The following WDFY2 variants were observed in gnomAD, a reference collection of about 807,000 sequenced individuals.
WDFY2 encodes the protein WD repeat and FYVE domain containing 2, also known as WD repeat and FYVE domain-containing protein 2.
In WDFY2, 36 loss-of-function variants were observed where a neutral mutation model predicts 56.4. The observed-to-expected ratio is 0.64, with a 90% CI of 0.49 to 0.84. WDFY2 has a LOEUF of 0.84. WDFY2 is among the 40% of genes least tolerant of loss of function. The pLI is 0.00. For synonymous variants in WDFY2, 176 were observed against 183.7 expected (o/e 0.96, Z 0.34); for missense variants, 444 against 512.2 (o/e 0.87, Z 1.29).
At chr13:51,586,429 A>T (rs1953936968) in intron 1 of WDFY2, 1 of 170,164 alleles carries the variant, frequency 5.9e-6, no homozygotes, top group East Asian at 1.5e-4. Flanking sequence ...TTTTTTTAAG[A>T]CTAGTTAAGT....
intron 1 of WDFY2, among the ~76,000 whole-genome samples, chr13:51,647,372 C>G (rs535385382): frequency 6.6e-6 from 1 of 152,280 alleles, no homozygotes; most frequent in South Asian, 2.1e-4. Context: ...TATCATGTAA[C>G]TATACTGAAT....
At chr13:51,595,182 A>G (rs1475246409) in intron 1 of WDFY2, among the ~76,000 whole-genome samples, 1 of 152,094 alleles carries the variant, frequency 6.6e-6, no homozygotes, top group Non-Finnish European at 1.5e-5. Context: ...TTGCCCTGAA[A>G]TGGTATGTCC....
chr13:51,679,142 C>T (rs1401922708), intron 3 of WDFY2, among the ~76,000 whole-genome samples: 1 of 152,062 alleles, frequency 6.6e-6, no homozygotes, highest in Non-Finnish European at 1.5e-5. Context: ...GGTACTGGAT[C>T]GTAACATGGA....
At chr13:51,608,740 T>G (rs1954431937) in intron 1 of WDFY2, among the ~76,000 whole-genome samples, 1 of 152,166 alleles carries the variant, frequency 6.6e-6, no homozygotes, top group Admixed American at 6.6e-5. Context: ...ACAAGTAAGA[T>G]TATATCAGAT....
At chr13:51,589,956 G>T (rs1954013551) in intron 1 of WDFY2, 1 of 152,172 alleles carries the variant, frequency 6.6e-6, no homozygotes, top group South Asian at 2.1e-4. Context: ...GGAACAGGCT[G>T]CCTCTGTGTT....
At chr13:51,668,530 G>T (rs1379706041) in intron 2 of WDFY2, among the ~76,000 whole-genome samples, 1 of 152,186 alleles carries the variant, frequency 6.6e-6, no homozygotes, top group Admixed American at 6.5e-5. Flanking sequence ...AATAAAACGT[G>T]TTGAGTACTG....
intron 7 of WDFY2, among the ~76,000 whole-genome samples, chr13:51,742,357 A>G (rs571995691): frequency 6.6e-6 from 1 of 152,258 alleles, no homozygotes; most frequent in East Asian, 1.9e-4. Context: ...TATTATCTGC[A>G]TTGGAAGCAT....
chr13:51,733,522 A>C (rs1454346906), intron 6 of WDFY2, among the ~76,000 whole-genome samples: 2 of 152,202 alleles, frequency 1.3e-5, no homozygotes, highest in Non-Finnish European at 2.9e-5. Flanking sequence ...ACCAGTGATG[A>C]AGTTTAAACA....
chr13:51,592,006 G>A (rs1223665655), intron 1 of WDFY2: 2 of 138,674 alleles, frequency 1.4e-5, no homozygotes, highest in East Asian at 2.6e-4. Flanking sequence ...TTGGGGGGAG[G>A]GGGGAGGGAT....
intron 1 of WDFY2, among the ~76,000 whole-genome samples, chr13:51,640,257 T>G (rs976947652): frequency 6.6e-5 from 10 of 152,212 alleles, no homozygotes; most frequent in Non-Finnish European, 1.2e-4. Flanking sequence ...TGTATATAAT[T>G]TATACAATTG....
At chr13:51,661,200 C>T (rs1274806486) in intron 2 of WDFY2, among the ~76,000 whole-genome samples, 4 of 152,166 alleles carry the variant, frequency 2.6e-5, no homozygotes, top group Non-Finnish European at 5.9e-5. Flanking sequence ...CTTCCAAGTA[C>T]ACTTTTAAAA....
intron 1 of WDFY2, among the ~76,000 whole-genome samples, chr13:51,654,390 G>A (rs987245331): frequency 6.6e-5 from 10 of 152,010 alleles, no homozygotes; most frequent in South Asian, 2.1e-4. Flanking sequence ...GCTCACACTC[G>A]GTGTGCTGCA....
At position 51,764,462 on chromosome 13, in the gene WDFY2, G is replaced by C. The variant is rs753580712; in HGVS notation, c.*4693G>C. On this transcript the variant is annotated 3_prime_UTR_variant, in exon 12 of 12. Transcript: ENST00000298125. Reference sequence around the variant, plus strand: ...TCAGAAACAGCATAAACAAACAAAGGCCTGAGAGCTGGAGTCAGTGTGGTG... The same window carrying C: ...TCAGAAACAGCATAAACAAACAAAGCCCTGAGAGCTGGAGTCAGTGTGGTG... 1.3e-5 allele frequency: 2 copies of C among 153,078 alleles called. No individual in the cohort carries two copies. Among genetic ancestry groups the C allele is most frequent in the Admixed American group, 6.5e-5 (1 of 15,282 alleles). 9.5% of individuals were successfully genotyped at this position (153,078 alleles called of 1,614,324 possible). A position where few individuals can be genotyped will look rare whatever the true frequency, so the allele number is the denominator to read the frequency against.
At chr13:51,735,346 G>T (rs9591426) in intron 6 of WDFY2, among the ~76,000 whole-genome samples, 1 of 152,182 alleles carries the variant, frequency 6.6e-6, no homozygotes, top group Admixed American at 6.5e-5. Flanking sequence ...CAAAGTCTGC[G>T]GTGGGGACAG....
chr13:51,746,765 T>C (rs897059350), intron 7 of WDFY2, among the ~76,000 whole-genome samples: 1 of 152,180 alleles, frequency 6.6e-6, no homozygotes, highest in Admixed American at 6.5e-5. Context: ...AGAAAAGGCA[T>C]CCTCATATAT....
At chr13:51,615,772 T>TA (rs915717092) in intron 1 of WDFY2, among the ~76,000 whole-genome samples, 14 of 152,106 alleles carry the variant, frequency 9.2e-5, no homozygotes, top group South Asian at 2.1e-4. Context: ...CTCTTTCTTT[T>TA]AAAAAAAATC....
At chr13:51,633,211 C>T (rs1418783639) in intron 1 of WDFY2, among the ~76,000 whole-genome samples, 1 of 152,224 alleles carries the variant, frequency 6.6e-6, no homozygotes, top group Non-Finnish European at 1.5e-5. Flanking sequence ...TGCTCCAGCA[C>T]TGGCCTGGCC....
chr13:51,689,596 G>C lies in WDFY2; in HGVS notation c.280-14000G>C, dbSNP rs570609838. 2.0e-5 allele frequency among the ~76,000 whole-genome samples: 3 copies of C among 152,168 alleles called. No homozygotes were observed. The South Asian group carries it at 6.2e-4, about 32-fold the overall frequency. On this transcript the variant is annotated intron_variant, in intron 3 of 11. Coordinates refer to ENST00000298125, the MANE Select transcript of WDFY2 (RefSeq NM_052950.4). Reference sequence around the variant, plus strand: ...CTTATGGAGTTCGGAGCCTAAGTGGGGGATTTGCATTTAAGGCATCCCTTC... The same window carrying C: ...CTTATGGAGTTCGGAGCCTAAGTGGCGGATTTGCATTTAAGGCATCCCTTC...
chr13:51,712,178 T>G (rs1952235346), intron 4 of WDFY2, among the ~76,000 whole-genome samples: 1 of 152,244 alleles, frequency 6.6e-6, no homozygotes, highest in Non-Finnish European at 1.5e-5. Context: ...ACCATCATTC[T>G]GAGCAAACTA....
Sources: gnomAD v4.1 joint callset for allele counts (sites outside exome capture counted in the v4.1 genomes callset) on GRCh38, gnomAD v4.1.1 for gene constraint, MANE v1.5 for transcripts, NCBI Gene and HGNC (gene_info 2026-07-23, HGNC 2026-07-21) for gene names.